MICAL3: variants seen among roughly 807,000 people sequenced by gnomAD.
MICAL3 encodes [F-actin]-monooxygenase MICAL3.
MICAL3 carries 62 observed loss-of-function variants against 207.4 expected under a neutral mutation model. The observed-to-expected ratio is 0.30, with a 90% confidence interval of 0.24 to 0.37. The LOEUF is 0.37. MICAL3 is among the 10% of genes least tolerant of loss of function. MICAL3 has a pLI of 1.00. For missense variants in MICAL3, 2,368 were observed against 2,635.6 expected (o/e 0.90, Z 2.22); for synonymous variants, 1,077 against 1,069.3 (o/e 1.01, Z -0.14).
intron 1 of MICAL3, among the ~76,000 whole-genome samples, chr22:17,959,747 T>C (rs1934807311): frequency 6.6e-6 from 1 of 152,050 alleles, no homozygotes; most frequent in African/African-American, 2.4e-5. Context: ...ATTAAGTAGG[T>C]TAGGGAAATA....
At chr22:17,849,674 G>A (rs1602049940) in intron 19 of MICAL3, among the ~76,000 whole-genome samples, 5 of 137,112 alleles carry the variant, frequency 3.6e-5, no homozygotes, top group African/African-American at 8.6e-5. Context: ...GTGTGTGTGT[G>A]TGTGTGTGTG....
At chr22:17,962,311 C>T (rs1297560610) in intron 1 of MICAL3, among the ~76,000 whole-genome samples, 1 of 152,218 alleles carries the variant, frequency 6.6e-6, no homozygotes, top group Admixed American at 6.5e-5. Flanking sequence ...TGGGAAGGAA[C>T]AGAGAGGGCC....
intron 1 of MICAL3, among the ~76,000 whole-genome samples, chr22:17,920,073 T>G (rs1040101647): frequency 9.2e-5 from 14 of 152,244 alleles, no homozygotes; most frequent in African/African-American, 3.4e-4. Flanking sequence ...TTTCTTCATT[T>G]GAGGCAGGAG....
rs2061850661 is a variant in MICAL3, at chr22:17,793,975, G to A, written c.5651-2674C>T. Among the ~76,000 whole-genome samples the A allele has an allele frequency of 6.6e-6, 1 of 152,140 alleles. No homozygotes were observed. The highest frequency in any genetic ancestry group is 1.5e-5 in the Non-Finnish European group (1 of 68,030). The stretch of plus-strand genomic sequence containing the variant: ...ACAGGAGGAAAAGAAAATAATACAA[G>A]AAATGGAGAAGCAGAAACAAGGGAA... On this transcript the variant is annotated intron_variant, in intron 29 of 31. Transcript: ENST00000441493. The surrounding 1 kb of genome is among the most constrained non-coding windows in gnomAD (Gnocchi z 4.1).
At chr22:17,827,143 T>C (rs1194988414) in intron 22 of MICAL3, among the ~76,000 whole-genome samples, 1 of 152,206 alleles carries the variant, frequency 6.6e-6, no homozygotes, top group East Asian at 1.9e-4. Context: ...TTCATCCTAC[T>C]GTGTGACACA....
Position 17,796,405 on chromosome 22 carries a change from C to T in MICAL3, c.5651-5104G>A, listed in dbSNP as rs376993734. ...TGAGATGGGCACGGATGGCACTCTC[C>T]GGCTTCAGGGCGCCCTCGCATGCAC... On this transcript the variant is annotated intron_variant, in intron 29 of 31. Coordinates refer to ENST00000441493, the MANE Select transcript of MICAL3 (RefSeq NM_015241.3). This position sits in a 1 kb window ranked among gnomAD's most constrained non-coding sequence, Gnocchi z 4.4. 2.9e-4 allele frequency among the ~76,000 whole-genome samples: 44 copies of T among 152,382 alleles called. No individual in the cohort carries two copies. The highest frequency in any genetic ancestry group is 9.9e-4 in the African/African-American group (41 of 41,596).
chr22:17,863,363 G>A, intron 19 of MICAL3: 2 of 985,322 alleles, frequency 2.0e-6, no homozygotes, highest in Non-Finnish European at 2.4e-6. Context: ...ATAAGGTGGT[G>A]CTCTCTCCAA....
chr22:17,941,152 T>C (rs1387589486), intron 1 of MICAL3, among the ~76,000 whole-genome samples: 1 of 152,232 alleles, frequency 6.6e-6, no homozygotes, highest in Non-Finnish European at 1.5e-5. Flanking sequence ...TCACCTGCTC[T>C]CTTCGTCTCA....
At chr22:17,948,444 C>A (rs1934178204) in intron 1 of MICAL3, among the ~76,000 whole-genome samples, 1 of 152,176 alleles carries the variant, frequency 6.6e-6, no homozygotes, top group Non-Finnish European at 1.5e-5. Flanking sequence ...GCTCTCCCTG[C>A]CCAGCTCCTG....
In MICAL3 at chr22:17,937,524, G is replaced by A. The variant is rs75005117; in HGVS notation, c.-74-30638C>T. 9.6e-4 allele frequency among the ~76,000 whole-genome samples: 146 copies of A among 152,296 alleles called. 1 individual carries two copies. The highest frequency in any genetic ancestry group is 3.4e-3 in the African/African-American group (141 of 41,562). ...ACTAAAAATACAAAATTAGCCAGGC[G>A]TGGTGGCGCATCCCCGTAATCCTAG... On this transcript the variant is annotated intron_variant, in intron 1 of 31. Coordinates refer to ENST00000441493, the MANE Select transcript of MICAL3 (RefSeq NM_015241.3).
At chr22:17,928,734 TA>T (rs1933057385) in intron 1 of MICAL3, among the ~76,000 whole-genome samples, 5 of 152,204 alleles carry the variant, frequency 3.3e-5, no homozygotes, top group South Asian at 2.1e-4. Context: ...ACATGCCCCA[TA>T]GGGGGGTGAC....
intron 29 of MICAL3, among the ~76,000 whole-genome samples, chr22:17,792,688 G>A (rs2145947531): frequency 6.6e-6 from 1 of 152,334 alleles, no homozygotes; most frequent in East Asian, 1.9e-4. Context: ...TGTTCAACAA[G>A]CAGGGGTTAG....
rs565035415 is a variant in MICAL3 at position 17,847,073 on chromosome 22, C to T, written c.2606-5056G>A. On this transcript the variant is annotated intron_variant, in intron 19 of 31. Coordinates refer to ENST00000441493, the MANE Select transcript of MICAL3 (RefSeq NM_015241.3). ...CACCTGACTCCTGGAGAGGCATCGG[C>T]GGGTGCAGAGGATACTAAGAGGCAG... Among the ~76,000 whole-genome samples, 37 of 152,246 alleles carry T rather than the reference C, an allele frequency of 2.4e-4. 1 individual carries two copies. The highest frequency in any genetic ancestry group is 2.1e-4 in the South Asian group (1 of 4,822).
chr22:17,865,298 A>T (rs1926968713), intron 18 of MICAL3, among the ~76,000 whole-genome samples: 1 of 152,118 alleles, frequency 6.6e-6, no homozygotes, highest in Admixed American at 6.5e-5. Context: ...GTCCCTCTGC[A>T]GGCAACAGAA....
In MICAL3 at chr22:17,818,441, G is replaced by A. The variant is rs770089497; in HGVS notation, c.4220C>T (p.Pro1407Leu). 38 of 1,612,678 alleles carry A rather than the reference G, an allele frequency of 2.4e-5. No individual in the cohort carries two copies. The highest frequency in any genetic ancestry group is 8.3e-5 in the Admixed American group (5 of 60,016). ...GGCGCTGCGTAGCTCTCTGTCGGAC[G>A]GGGACCGGGGGGTTGGCAGGGACAA... ...EPLSLPTPRSPSDRELRSAQE... is the reference protein window; with the variant it reads ...EPLSLPTPRSLSDRELRSAQE... The change falls in exon 26 of 32, where the codon CCG (proline) becomes CTG (leucine). Residue 1407 changes from proline to leucine, a missense_variant. This residue lies in a region of MICAL3 where 1,770 missense variants were observed against 1,863.2 expected (regional missense o/e 0.95). Coordinates refer to ENST00000441493, the MANE Select transcript of MICAL3 (RefSeq NM_015241.3).
At chr22:17,929,671 C>T (rs1217514118) in intron 1 of MICAL3, among the ~76,000 whole-genome samples, 2 of 145,748 alleles carry the variant, frequency 1.4e-5, no homozygotes, top group African/African-American at 2.5e-5. Flanking sequence ...GGGTTCATGC[C>T]ATTCTCCTGC....
At chr22:17,886,406 C>T (rs1929873407) in intron 15 of MICAL3, among the ~76,000 whole-genome samples, 1 of 152,238 alleles carries the variant, frequency 6.6e-6, no homozygotes, top group African/African-American at 2.4e-5. Context: ...GTGGCTCACA[C>T]CTGTAATCCC....
At chr22:17,815,460 C>T (rs1176048432) in intron 27 of MICAL3, 1 of 152,284 alleles carries the variant, frequency 6.6e-6, no homozygotes, top group African/African-American at 2.4e-5. Context: ...GCACCCATCA[C>T]CAGTATTGGG....
At chr22:17,792,468 C>T (rs2061834089) in intron 29 of MICAL3, among the ~76,000 whole-genome samples, 2 of 152,244 alleles carry the variant, frequency 1.3e-5, no homozygotes, top group African/African-American at 4.8e-5. Flanking sequence ...TGGCAGGGGG[C>T]GTTCTAGGCC....
Sources: gnomAD v4.1 joint callset for allele counts (sites outside exome capture counted in the v4.1 genomes callset) on GRCh38, gnomAD v4.1.1 for gene constraint, gnomAD v4.1.1 regional missense constraint, Gnocchi (gnomAD v3.1) non-coding constraint, MANE v1.5 for transcripts, NCBI Gene and HGNC (gene_info 2026-07-23, HGNC 2026-07-21) for gene names.